Variants in LRRC4C observed in about 807,000 individuals in gnomAD.
LRRC4C encodes leucine-rich repeat-containing protein 4C.
LRRC4C carries 5 observed loss-of-function variants against 33.6 expected under a neutral mutation model. The ratio of observed to expected loss-of-function variants is 0.15; its 90% CI spans 0.08 to 0.31. LRRC4C has a LOEUF of 0.31. Ranked by LOEUF, LRRC4C falls within the 10% of genes least tolerant of loss-of-function variation. The pLI, the probability that LRRC4C is intolerant of heterozygous loss-of-function variation, is 1.00. For missense variants in LRRC4C, 560 were observed against 796.7 expected, an observed-to-expected ratio of 0.70 and a Z score of 3.58; for synonymous variants, 329 against 302.0, an observed-to-expected ratio of 1.09 and a Z score of -0.93.
chr11:40,996,544 G>C (rs1853986581), intron 1 of LRRC4C, among the ~76,000 whole-genome samples: 2 of 152,260 alleles, frequency 1.3e-5, no homozygotes, highest in African/African-American at 2.4e-5. Context: ...TCCTTGGATA[G>C]ATAGGACCTG....
intron 1 of LRRC4C, among the ~76,000 whole-genome samples, chr11:41,273,017 G>C (rs2136857311): frequency 1.3e-5 from 2 of 152,222 alleles, no homozygotes; most frequent in Middle Eastern, 6.8e-3. Context: ...TCAGTTACTG[G>C]TTAAGAAAAT....
intron 2 of LRRC4C, among the ~76,000 whole-genome samples, chr11:40,706,563 C>T (rs911820409): frequency 2.6e-5 from 4 of 152,044 alleles, no homozygotes; most frequent in Non-Finnish European, 4.4e-5. Flanking sequence ...TGTTCCATTG[C>T]TCTATATCTC....
intron 4 of LRRC4C, among the ~76,000 whole-genome samples, chr11:40,316,890 G>T (rs2136809834): frequency 6.6e-6 from 1 of 151,694 alleles, no homozygotes; most frequent in South Asian, 2.1e-4. Context: ...TCTATATAGG[G>T]TTCTCTTAAG....
Position 40,115,807 on chromosome 11 carries a change from G to A in LRRC4C, c.486C>T (p.Ser162=). ...ELWLRNNPIE[S]IPSYAFNRIP... ...TTCTGTTAAAAGCATAAGAAGGGAT[G>A]CTTTCAATGGGGTTGTTTCGCAACC... is the stretch of plus-strand genomic sequence containing the variant. Residue 162 remains serine (S), a synonymous_variant, in exon 7 of 7, where the codon AGC becomes AGT. Transcript: ENST00000528697. The surrounding 1 kb of genome is among the most constrained non-coding windows in gnomAD (Gnocchi z 6.7). 1.2e-6 allele frequency: 2 copies of A among 1,614,142 alleles called. No homozygotes were observed. Among genetic ancestry groups the A allele is most frequent in the African/African-American group, 2.7e-5 (2 of 75,040 alleles).
chr11:41,279,173 T>C (rs1949574916), intron 1 of LRRC4C, among the ~76,000 whole-genome samples: 1 of 152,158 alleles, frequency 6.6e-6, no homozygotes, highest in South Asian at 2.1e-4. Flanking sequence ...TATTCCATGA[T>C]ATATATGCAC....
chr11:41,373,481 A>G (rs1030724355), intron 1 of LRRC4C, among the ~76,000 whole-genome samples: 2 of 152,190 alleles, frequency 1.3e-5, no homozygotes, highest in Non-Finnish European at 2.9e-5. Context: ...GGTCTGGATC[A>G]AGGATATATA....
At chr11:40,995,127 T>C (rs1246648599) in intron 1 of LRRC4C, among the ~76,000 whole-genome samples, 1 of 152,148 alleles carries the variant, frequency 6.6e-6, no homozygotes, top group Non-Finnish European at 1.5e-5. Context: ...TTTTTTTCTC[T>C]TGATTGATTG....
At chr11:41,284,934 A>G (rs1949777697) in intron 1 of LRRC4C, among the ~76,000 whole-genome samples, 1 of 152,336 alleles carries the variant, frequency 6.6e-6, no homozygotes, top group Admixed American at 6.5e-5. Context: ...TGTCACAATG[A>G]GTCCACGGCT....
At chr11:41,161,228 G>A (rs944970353) in intron 1 of LRRC4C, among the ~76,000 whole-genome samples, 3 of 152,082 alleles carry the variant, frequency 2.0e-5, no homozygotes, top group Admixed American at 1.3e-4. Context: ...TGTCCCATAT[G>A]TCCTGCTTAC....
chr11:40,259,387 T>C (rs1033583518), intron 4 of LRRC4C, among the ~76,000 whole-genome samples: 1 of 152,118 alleles, frequency 6.6e-6, no homozygotes, highest in Non-Finnish European at 1.5e-5. Flanking sequence ...TGGTAGTTTC[T>C]TTTGCTGTGC....
At chr11:41,373,102 T>C (rs1952812816) in intron 1 of LRRC4C, among the ~76,000 whole-genome samples, 2 of 152,260 alleles carry the variant, frequency 1.3e-5, no homozygotes, top group African/African-American at 4.8e-5. Context: ...TGGGGAGTTA[T>C]GGTAATATAC....
At chr11:40,188,042 A>G (rs1372533866) in intron 5 of LRRC4C, among the ~76,000 whole-genome samples, 2 of 152,204 alleles carry the variant, frequency 1.3e-5, no homozygotes, top group African/African-American at 4.8e-5. Context: ...AGTATAAAAT[A>G]ACTAATTAGA....
chr11:40,430,545 A>G (rs1411887269), intron 3 of LRRC4C, among the ~76,000 whole-genome samples: 2 of 152,174 alleles, frequency 1.3e-5, no homozygotes, highest in Non-Finnish European at 2.9e-5. Flanking sequence ...TTACATAGAT[A>G]CAATTGTCTT....
chr11:40,770,635 G>A (rs1287790774), intron 2 of LRRC4C, among the ~76,000 whole-genome samples: 1 of 152,122 alleles, frequency 6.6e-6, no homozygotes, highest in African/African-American at 2.4e-5. Flanking sequence ...TTCTGCCTAT[G>A]AGCCTGTAAA....
intron 2 of LRRC4C, among the ~76,000 whole-genome samples, chr11:40,719,451 A>G (rs955883776): frequency 1.3e-5 from 2 of 152,204 alleles, no homozygotes; most frequent in Non-Finnish European, 2.9e-5. Context: ...TACTGCCGTT[A>G]GATCTCGGAG....
At chr11:40,250,130 A>C (rs1282407079) in intron 4 of LRRC4C, among the ~76,000 whole-genome samples, 1 of 150,778 alleles carries the variant, frequency 6.6e-6, no homozygotes, top group African/African-American at 2.4e-5. Flanking sequence ...TTATCGATGA[A>C]CTACCTTCTT....
At chr11:41,216,921 T>C (rs1305572137) in intron 1 of LRRC4C, among the ~76,000 whole-genome samples, 2 of 152,214 alleles carry the variant, frequency 1.3e-5, no homozygotes, top group African/African-American at 4.8e-5. Flanking sequence ...TCTTTAAAGC[T>C]GAAAGAATAT....
At chr11:40,749,973 C>T (rs149089525) in intron 2 of LRRC4C, among the ~76,000 whole-genome samples, 9 of 152,124 alleles carry the variant, frequency 5.9e-5, no homozygotes, top group South Asian at 4.2e-4. Context: ...TAATTAGTAA[C>T]GACATTGAAT....
chr11:41,373,256 T>TA (rs1565621960), intron 1 of LRRC4C, among the ~76,000 whole-genome samples: 2 of 152,116 alleles, frequency 1.3e-5, no homozygotes, highest in African/African-American at 4.8e-5. Flanking sequence ...ATTTGACATA[T>TA]TAAAAATATT....
Sources: gnomAD v4.1 joint callset for allele counts (sites outside exome capture counted in the v4.1 genomes callset) on GRCh38, gnomAD v4.1.1 for gene constraint, Gnocchi (gnomAD v3.1) non-coding constraint, MANE v1.5 for transcripts, NCBI Gene and HGNC (gene_info 2026-07-23, HGNC 2026-07-21) for gene names.